Variants in BAZ2B observed in about 807,000 individuals in gnomAD.
BAZ2B encodes bromodomain adjacent to zinc finger domain 2B.
A neutral mutation model predicts 246.0 loss-of-function variants in BAZ2B; 91 were observed. That is an observed-to-expected ratio of 0.37 (90% CI 0.31 to 0.44). BAZ2B has a LOEUF of 0.44. Ranked by LOEUF, BAZ2B falls within the 20% of genes least tolerant of loss-of-function variation. The probability of loss-of-function intolerance (pLI) is 1.00; values close to 1 mark genes in which losing one functional copy is unlikely to be tolerated. For synonymous variants in BAZ2B, 855 were observed against 860.0 expected, an observed-to-expected ratio of 0.99 and a Z score of 0.10; for missense variants, 2,332 against 2,533.7, an observed-to-expected ratio of 0.92 and a Z score of 1.71.
intron 1 of BAZ2B, among the ~76,000 whole-genome samples, chr2:159,583,452 G>A (rs1337539731): frequency 6.6e-6 from 1 of 152,162 alleles, no homozygotes; most frequent in African/African-American, 2.4e-5. Flanking sequence ...CAAACATCAT[G>A]CAAGTCATGT....
chr2:159,691,120 G>A, the BAZ2B span, among the ~76,000 whole-genome samples: 1 of 152,094 alleles, frequency 6.6e-6, no homozygotes, highest in African/African-American at 2.4e-5. Flanking sequence ...GCTTTTATCA[G>A]AAGATGTTGA....
chr2:159,496,835 A>AGAGAATTTT (rs1181354448), intron 2 of BAZ2B, among the ~76,000 whole-genome samples: 1 of 151,444 alleles, frequency 6.6e-6, no homozygotes, highest in Non-Finnish European at 1.5e-5. Flanking sequence ...TAGTTAAAGA[A>AGAGAATTTT]GAGAATTTTG....
chr2:159,577,382 T>C (rs1387609565), intron 1 of BAZ2B, among the ~76,000 whole-genome samples: 2 of 152,216 alleles, frequency 1.3e-5, no homozygotes, highest in Non-Finnish European at 2.9e-5. Context: ...TAGCTCCAAA[T>C]AGTAGAATTT....
At chr2:159,371,786 T>C (rs2149397249) in intron 27 of BAZ2B, among the ~76,000 whole-genome samples, 1 of 152,302 alleles carries the variant, frequency 6.6e-6, no homozygotes, top group African/African-American at 2.4e-5. Flanking sequence ...TATGACAAAA[T>C]GTTAAGTAAG....
chr2:159,604,951 T>TGTGCGC (rs137899225), intron 1 of BAZ2B, among the ~76,000 whole-genome samples: 9,427 of 144,368 alleles, frequency 0.065, 420 homozygotes, highest in East Asian at 0.24. Flanking sequence ...TGTGTGTGTG[T>TGTGCGC]GCGCGTGTGT....
In BAZ2B at chr2:159,319,002, G is replaced by A. The variant is rs555064149; in HGVS notation, c.*1263C>T. ...AATTAGTTTGTAAAAGTCTTTTATT[G>A]TATCCGTGCCACACATAGTGAAAAA... On this transcript the variant is annotated 3_prime_UTR_variant, in exon 37 of 37. Transcript: ENST00000392783. The surrounding 1 kb of genome is among the most constrained non-coding windows in gnomAD (Gnocchi z 4.0). The A allele has an allele frequency of 3.3e-5, 5 of 152,632 alleles. No individual in the cohort carries two copies. The highest frequency in any genetic ancestry group is 1.2e-4 in the African/African-American group (5 of 41,542). 9.5% of individuals were successfully genotyped at this position (152,632 alleles called of 1,614,324 possible).
intron 2 of BAZ2B, among the ~76,000 whole-genome samples, chr2:159,534,797 G>C (rs1235394634): frequency 6.6e-6 from 1 of 152,018 alleles, no homozygotes; most frequent in South Asian, 2.1e-4. Flanking sequence ...AGTAGATAAG[G>C]GGTTTCACCA....
intron 2 of BAZ2B, among the ~76,000 whole-genome samples, chr2:159,501,174 T>TA (rs1491348023): frequency 1.1e-5 from 1 of 92,276 alleles, no homozygotes; most frequent in Middle Eastern, 4.6e-3. Flanking sequence ...ATAATATATA[T>TA]TATATATATT....
chr2:159,688,983 AT>A, the BAZ2B span, among the ~76,000 whole-genome samples: 10 of 151,094 alleles, frequency 6.6e-5, no homozygotes, highest in African/African-American at 1.9e-4. Context: ...TATAGTTGCT[AT>A]TTTTTTTTCC....
chr2:159,395,824 C>T lies in BAZ2B; in HGVS notation c.3020G>A (p.Arg1007Gln), dbSNP rs370714998. The T allele has an allele frequency of 1.2e-5, 19 of 1,610,668 alleles. No homozygotes were observed. The highest frequency in any genetic ancestry group is 2.2e-5 in the East Asian group (1 of 44,752). ...CATAAGCATCATGTGTTGTCGCCTT[C>T]GCTCTCGTTCCTATTAGGCCAGATA... ...AVLLKHQERE[R>Q]RRQHMMLMKA... Residue 1007 changes from arginine (R) to glutamine (Q), a missense_variant, in exon 20 of 37, where the codon CGA (arginine) becomes CAA (glutamine). Coordinates refer to ENST00000392783, the MANE Select transcript of BAZ2B (RefSeq NM_013450.4).
chr2:159,341,235 T>TA (rs199883575), intron 31 of BAZ2B, among the ~76,000 whole-genome samples: 1,693 of 139,136 alleles, frequency 0.012, 23 homozygotes, highest in East Asian at 0.12. Context: ...TTATGTCAGA[T>TA]AAAAAAAACA....
chr2:159,383,577 T>C (rs2062262776), intron 24 of BAZ2B, 29 bp downstream of exon 24: 1 of 1,556,356 alleles, frequency 6.4e-7, no homozygotes, highest in East Asian at 2.3e-5. Context: ...AAGAAAACAG[T>C]ACATTAACTT....
At chr2:159,683,579 T>A in the BAZ2B span, among the ~76,000 whole-genome samples, 25 of 152,134 alleles carry the variant, frequency 1.6e-4, no homozygotes, top group Admixed American at 4.6e-4. Flanking sequence ...CTTGGTTCCT[T>A]AAAATAACAC....
At position 159,386,214 on chromosome 2, in the gene BAZ2B, C is replaced by T; in HGVS notation, c.3471+139G>A. ...TCTTTGTATGAAGTGTAACCTGACA[C>T]AAATCTACAGTTAACTTTGTGAGAC... On this transcript the variant is annotated intron_variant, in intron 22 of 36. Coordinates refer to ENST00000392783, the MANE Select transcript of BAZ2B (RefSeq NM_013450.4). 3.0e-6 allele frequency: 3 copies of T among 998,490 alleles called. No individual in the cohort carries two copies. The South Asian group carries it at 5.6e-5, about 18-fold the overall frequency. 61.9% of individuals were successfully genotyped at this position (998,490 alleles called of 1,614,324 possible). A position where few individuals can be genotyped will look rare whatever the true frequency, so the allele number is the denominator to read the frequency against.
chr2:159,423,336 A>G (rs1328694337), intron 13 of BAZ2B, among the ~76,000 whole-genome samples: 1 of 152,088 alleles, frequency 6.6e-6, no homozygotes, highest in Non-Finnish European at 1.5e-5. Context: ...CAAACAAAAG[A>G]ATGGCTATTA....
At chr2:159,335,603 T>C (rs2065525202) in intron 33 of BAZ2B, among the ~76,000 whole-genome samples, 1 of 151,680 alleles carries the variant, frequency 6.6e-6, no homozygotes, top group Non-Finnish European at 1.5e-5. Flanking sequence ...AGACCCTGTA[T>C]TCCAGCACAT....
intron 1 of BAZ2B, among the ~76,000 whole-genome samples, chr2:159,592,132 A>C (rs1689539278): frequency 6.6e-6 from 1 of 152,140 alleles, no homozygotes; most frequent in South Asian, 2.1e-4. Context: ...CAAACAAAAA[A>C]ACAAAGAAAA....
In BAZ2B at chr2:159,385,136, A is replaced by G; in HGVS notation, c.3686+19T>C. 6.3e-7 allele frequency: 1 copy of G among 1,588,248 alleles called. No individual in the cohort carries two copies. Among genetic ancestry groups the G allele is most frequent in the Non-Finnish European group, 8.6e-7 (1 of 1,159,992 alleles). Reference sequence around the variant, plus strand: ...ATTCAAAATGGAAAAATCACGGAAAAGCCTGGGCATATGCTCACCTGACCA... The same window carrying G: ...ATTCAAAATGGAAAAATCACGGAAAGGCCTGGGCATATGCTCACCTGACCA... On this transcript the variant is annotated intron_variant, in intron 23 of 36. Coordinates refer to ENST00000392783, the MANE Select transcript of BAZ2B (RefSeq NM_013450.4).
chr2:159,418,748 T>C (rs1347129680), intron 13 of BAZ2B, among the ~76,000 whole-genome samples: 3 of 152,208 alleles, frequency 2.0e-5, no homozygotes, highest in Non-Finnish European at 4.4e-5. Context: ...TGCAGCAATT[T>C]CACATGGATT....
Sources: allele counts gnomAD v4.1 joint callset (sites outside exome capture counted in the v4.1 genomes callset), GRCh38; gene constraint gnomAD v4.1.1; non-coding constraint Gnocchi (gnomAD v3.1); transcripts MANE v1.5; gene names NCBI Gene and HGNC (gene_info 2026-07-23, HGNC 2026-07-21).